Variants in ELF2 observed in about 807,000 individuals in gnomAD.
The protein encoded by ELF2 is ETS-related transcription factor Elf-2.
Under a neutral mutation model 54.8 loss-of-function variants are expected in ELF2, and 11 were observed. The observed-to-expected ratio is 0.20, with a 90% confidence interval of 0.13 to 0.33. The LOEUF (loss-of-function observed/expected upper bound fraction) is 0.33, where lower values mean the gene tolerates loss of function less well. ELF2 is among the 10% of genes least tolerant of loss of function. ELF2 has a pLI of 1.00. For synonymous variants in ELF2, 203 were observed against 245.1 expected (o/e 0.83, Z 1.61); for missense variants, 513 against 703.0 (o/e 0.73, Z 3.06).
At chr4:139,124,518 T>C (rs1351952633) in intron 4 of ELF2, among the ~76,000 whole-genome samples, 1 of 151,028 alleles carries the variant, frequency 6.6e-6, no homozygotes, top group African/African-American at 2.5e-5. Context: ...TTTGCATGTT[T>C]ATTATTATGT....
intron 4 of ELF2, among the ~76,000 whole-genome samples, chr4:139,120,653 G>A (rs778062324): frequency 6.6e-6 from 1 of 151,892 alleles, no homozygotes; most frequent in Admixed American, 6.6e-5. Flanking sequence ...TGTTGCCCAG[G>A]CTGGTCTTGA....
chr4:139,064,264 C>T (rs1219695837), intron 7 of ELF2, among the ~76,000 whole-genome samples: 1 of 152,046 alleles, frequency 6.6e-6, no homozygotes, highest in Non-Finnish European at 1.5e-5. Context: ...GCAGAGATCA[C>T]GCCACTGCAC....
chr4:139,086,704 C>T (rs1732023302), intron 4 of ELF2, among the ~76,000 whole-genome samples: 1 of 152,124 alleles, frequency 6.6e-6, no homozygotes, highest in African/African-American at 2.4e-5. Context: ...TCATATAGAA[C>T]TCCCCACCCA....
At chr4:139,149,666 TA>T (rs1328853372) in intron 1 of ELF2, among the ~76,000 whole-genome samples, 3 of 152,002 alleles carry the variant, frequency 2.0e-5, no homozygotes, top group African/African-American at 7.2e-5. Context: ...ACCATAACCA[TA>T]AAAACTACAA....
At chr4:139,135,892 C>T (rs1022120506) in intron 3 of ELF2, among the ~76,000 whole-genome samples, 8 of 152,138 alleles carry the variant, frequency 5.3e-5, no homozygotes, top group African/African-American at 1.9e-4. Context: ...GTTCTCCTGG[C>T]CGTGAACACT....
intron 4 of ELF2, chr4:139,084,070 G>A (rs1253453399): frequency 1.9e-6 from 3 of 1,609,356 alleles, no homozygotes; most frequent in African/African-American, 1.3e-5. Flanking sequence ...GAGTCACCCC[G>A]CCTTCTGTGC....
intron 4 of ELF2, among the ~76,000 whole-genome samples, chr4:139,096,881 T>A (rs1484274404): frequency 6.6e-6 from 1 of 152,088 alleles, no homozygotes; most frequent in African/African-American, 2.4e-5. Flanking sequence ...TTGGCCATAT[T>A]TTTGTTCTTC....
At chr4:139,121,674 T>C (rs1158544192) in intron 4 of ELF2, among the ~76,000 whole-genome samples, 1 of 152,118 alleles carries the variant, frequency 6.6e-6, no homozygotes, top group African/African-American at 2.4e-5. Flanking sequence ...GGGGAAGATA[T>C]GTTATACCTG....
At chr4:139,151,032 A>AGAAAAGAAAAGAAAAGAAAAGAAAAG (rs1553971300) in intron 1 of ELF2, among the ~76,000 whole-genome samples, 3 of 102,510 alleles carry the variant, frequency 2.9e-5, no homozygotes, top group African/African-American at 1.5e-4. Context: ...TCAAAAAAAA[A>AGAAAAGAAAAGAAAAGAAAAGAAAAG]AAAGAAAGAA....
At chr4:139,160,894 T>C (rs570420605) in intron 1 of ELF2, among the ~76,000 whole-genome samples, 3 of 151,928 alleles carry the variant, frequency 2.0e-5, no homozygotes, top group East Asian at 1.9e-4. Flanking sequence ...ACCCGGGAGG[T>C]GGAGGTTGCA....
chr4:139,177,365 C>CGGCGGGGG (rs1186565463), upstream of ELF2: 1 of 151,710 alleles, frequency 6.6e-6, no homozygotes. Flanking sequence ...CCTCCCCACG[C>CGGCGGGGG]GGCGGGGGGG....
chr4:139,079,566 T>C (rs1730811356), intron 4 of ELF2, among the ~76,000 whole-genome samples: 1 of 152,236 alleles, frequency 6.6e-6, no homozygotes, highest in South Asian at 2.1e-4. Context: ...TCTATCCCCA[T>C]GCTTATATAA....
At chr4:139,092,965 A>ATTT (rs771791854) in intron 4 of ELF2, among the ~76,000 whole-genome samples, 1 of 136,622 alleles carries the variant, frequency 7.3e-6, no homozygotes, top group African/African-American at 2.8e-5. Flanking sequence ...ATAGTAAATA[A>ATTT]TTTTTTTTTT....
intron 4 of ELF2, among the ~76,000 whole-genome samples, chr4:139,106,170 C>T (rs1354210273): frequency 2.0e-5 from 3 of 152,074 alleles, no homozygotes; most frequent in African/African-American, 4.8e-5. Flanking sequence ...ATTAAATGTT[C>T]AGCCAAAGAA....
intron 4 of ELF2, among the ~76,000 whole-genome samples, chr4:139,078,894 C>T (rs1730691670): frequency 6.6e-6 from 1 of 152,074 alleles, no homozygotes; most frequent in Admixed American, 6.6e-5. Context: ...TAAAATAATA[C>T]ACCCATTACT....
At chr4:139,098,083 A>G (rs1425369189) in intron 4 of ELF2, among the ~76,000 whole-genome samples, 1 of 152,268 alleles carries the variant, frequency 6.6e-6, no homozygotes, top group Non-Finnish European at 1.5e-5. Context: ...TGACATACAT[A>G]ACTAAAAAAT....
At chr4:139,175,750 T>C (rs1251357057) in intron 1 of ELF2, among the ~76,000 whole-genome samples, 1 of 152,200 alleles carries the variant, frequency 6.6e-6, no homozygotes, top group Non-Finnish European at 1.5e-5. Flanking sequence ...ATTTAAACCA[T>C]TAAGCTGAAG....
chr4:139,062,223 T>G (rs1432721104), intron 7 of ELF2, 166 bp from the exon 8 acceptor site: 5 of 656,240 alleles, frequency 7.6e-6, no homozygotes, highest in African/African-American at 5.5e-5. Context: ...CAGGCTGGAG[T>G]GCAGTGGCAC....
intron 4 of ELF2, among the ~76,000 whole-genome samples, chr4:139,124,613 A>C (rs1355796021): frequency 6.6e-6 from 1 of 152,226 alleles, no homozygotes. Context: ...TAAGAATTAT[A>C]GATACTAATC....
Sources: allele counts gnomAD v4.1 joint callset (sites outside exome capture counted in the v4.1 genomes callset), GRCh38; gene constraint gnomAD v4.1.1; transcripts MANE v1.5; gene names NCBI Gene and HGNC (gene_info 2026-07-23, HGNC 2026-07-21).